The following LMAN2L variants were observed in gnomAD, a reference collection of about 807,000 sequenced individuals.
LMAN2L encodes lectin, mannose binding 2 like.
Under a neutral mutation model 44.3 loss-of-function variants are expected in LMAN2L, and 30 were observed. The ratio of observed to expected loss-of-function variants is 0.68; its 90% CI spans 0.51 to 0.92. The LOEUF (loss-of-function observed/expected upper bound fraction) is 0.92. Ranked by LOEUF, LMAN2L falls within the 40% of genes least tolerant of loss-of-function variation. LMAN2L has a pLI of 0.00. For missense variants in LMAN2L, 429 were observed against 446.1 expected (o/e 0.96, Z 0.35); for synonymous variants, 183 against 171.1 (o/e 1.07, Z -0.54).
chr2:96,733,388 T>C, intron 4 of LMAN2L, 131 bp downstream of exon 4: 5 of 678,238 alleles, frequency 7.4e-6, no homozygotes, highest in Non-Finnish European at 1.3e-5. Flanking sequence ...GACAAGGACA[T>C]TAACTTTCAA....
chr2:96,712,395 T>A (rs1255581108), intron 4 of LMAN2L, among the ~76,000 whole-genome samples: 2 of 152,200 alleles, frequency 1.3e-5, no homozygotes, highest in Non-Finnish European at 2.9e-5. Flanking sequence ...TCTCCCCAAC[T>A]GCCACATAAG....
In LMAN2L at chr2:96,707,376, C is replaced by T. The variant is rs757419501; in HGVS notation, c.927G>A (p.Leu309=). 7 of 1,612,680 alleles carry T rather than the reference C, an allele frequency of 4.3e-6. No homozygotes were observed. In the South Asian group the frequency reaches 6.6e-5, roughly 15 times the overall value. Residue 309 remains leucine, a synonymous_variant, in exon 8 of 8, where the codon CTG becomes CTA. Transcript: ENST00000264963. ...LPEMTAPLPP[L]SGLALFLIVF... ...CGATGAGGAAGAGGGCCAGGCCACT[C>T]AGGGGCGGCAGTGGAGCTGTCACTG...
intron 4 of LMAN2L, among the ~76,000 whole-genome samples, chr2:96,728,473 T>C (rs1304908007): frequency 1.5e-5 from 2 of 134,664 alleles, no homozygotes; most frequent in East Asian, 4.4e-4. Context: ...ACCACTGCAC[T>C]CCAGCCTGGG....
At chr2:96,730,067 T>C (rs369500671) in intron 4 of LMAN2L, among the ~76,000 whole-genome samples, 39 of 152,292 alleles carry the variant, frequency 2.6e-4, no homozygotes, top group African/African-American at 9.1e-4. Flanking sequence ...CCATCTAAAA[T>C]AAATTTTTTT....
chr2:96,726,126 C>T (rs1361882856), intron 4 of LMAN2L, among the ~76,000 whole-genome samples: 4 of 148,988 alleles, frequency 2.7e-5, no homozygotes, highest in Non-Finnish European at 5.9e-5. Context: ...AGCAAGACTC[C>T]GTCTCAAAAA....
At chr2:96,721,025 A>G (rs2078142254) in intron 4 of LMAN2L, among the ~76,000 whole-genome samples, 1 of 152,132 alleles carries the variant, frequency 6.6e-6, no homozygotes, top group Admixed American at 6.6e-5. Context: ...ATTCAATGGC[A>G]TTTAGTATAT....
intron 4 of LMAN2L, among the ~76,000 whole-genome samples, chr2:96,717,960 T>C (rs985334393): frequency 1.3e-5 from 2 of 152,078 alleles, no homozygotes; most frequent in East Asian, 3.8e-4. Flanking sequence ...AAGGACCAAC[T>C]TTTTTTTCTT....
chr2:96,739,769 G>A (rs2078594879), intron 1 of LMAN2L, 85 bp downstream of exon 1: 1 of 1,389,978 alleles, frequency 7.2e-7, no homozygotes. Context: ...GGGCCACGAA[G>A]CCCTTCGCCG....
intron 4 of LMAN2L, among the ~76,000 whole-genome samples, chr2:96,715,184 G>A (rs1188516653): frequency 6.6e-6 from 1 of 152,122 alleles, no homozygotes; most frequent in Non-Finnish European, 1.5e-5. Flanking sequence ...TGATCTGCCC[G>A]TCTTGGCCTC....
At chr2:96,725,735 G>A (rs2078257605) in intron 4 of LMAN2L, among the ~76,000 whole-genome samples, 1 of 151,754 alleles carries the variant, frequency 6.6e-6, no homozygotes. Context: ...GTAAGCCACC[G>A]CACCCGGCCA....
At chr2:96,729,795 C>G (rs1030416959) in intron 4 of LMAN2L, among the ~76,000 whole-genome samples, 1 of 152,050 alleles carries the variant, frequency 6.6e-6, no homozygotes, top group East Asian at 1.9e-4. Context: ...TGTGAGCCAC[C>G]GCGCCCGGCC....
chr2:96,733,872 C>A, intron 3 of LMAN2L, among the ~76,000 whole-genome samples: 1 of 152,192 alleles, frequency 6.6e-6, no homozygotes, highest in Non-Finnish European at 1.5e-5. Context: ...CTGATCCAAA[C>A]TGGTTGCTAA....
intron 4 of LMAN2L, among the ~76,000 whole-genome samples, chr2:96,718,429 C>T (rs2078085741): frequency 6.6e-6 from 1 of 152,104 alleles, no homozygotes; most frequent in Admixed American, 6.6e-5. Context: ...GATACAATGT[C>T]TTTGTTTTTA....
chr2:96,727,966 C>T (rs533286929), intron 4 of LMAN2L, among the ~76,000 whole-genome samples: 3 of 152,230 alleles, frequency 2.0e-5, no homozygotes, highest in South Asian at 4.1e-4. Flanking sequence ...AGTTTCTTAC[C>T]CACAAAATAG....
intron 4 of LMAN2L, among the ~76,000 whole-genome samples, chr2:96,726,121 G>A (rs1040374970): frequency 2.0e-5 from 3 of 149,386 alleles, no homozygotes; most frequent in African/African-American, 7.4e-5. Context: ...GACAGAGCAA[G>A]ACTCCGTCTC....
chr2:96,717,102 T>A (rs1484533211), intron 4 of LMAN2L, among the ~76,000 whole-genome samples: 1 of 151,798 alleles, frequency 6.6e-6, no homozygotes, highest in East Asian at 1.9e-4. Flanking sequence ...CTTTTTTTTT[T>A]AAACACACAC....
chr2:96,707,650 T>C lies in LMAN2L; in HGVS notation c.904+64A>G, dbSNP rs1361217727. On this transcript the variant is annotated intron_variant, in intron 7 of 7. Coordinates refer to ENST00000264963, the MANE Select transcript of LMAN2L (RefSeq NM_030805.4). ...AGAGCAGAGACCGCCCTGTGAGCTA[T>C]GGGTACAGCACTGCAAGCTCCTCCC... is the stretch of plus-strand genomic sequence containing the variant. The C allele has an allele frequency of 1.5e-5, 23 of 1,586,066 alleles. No homozygotes were observed. In the Middle Eastern group the frequency reaches 5.2e-4, roughly 36 times the overall value.
At chr2:96,719,254 T>C (rs1049092519) in intron 4 of LMAN2L, among the ~76,000 whole-genome samples, 1 of 152,196 alleles carries the variant, frequency 6.6e-6, no homozygotes, top group African/African-American at 2.4e-5. Flanking sequence ...TGCCTCTTTC[T>C]TGGGTCCAAC....
At chr2:96,707,997 C>G (rs1201709329) in intron 6 of LMAN2L, among the ~76,000 whole-genome samples, 164 bp from the exon 7 acceptor site, 1 of 152,206 alleles carries the variant, frequency 6.6e-6, no homozygotes, top group African/African-American at 2.4e-5. Flanking sequence ...GGATGGGGAA[C>G]AAGGCATATT....
Sources: gnomAD v4.1 joint callset for allele counts (sites outside exome capture counted in the v4.1 genomes callset) on GRCh38, gnomAD v4.1.1 for gene constraint, MANE v1.5 for transcripts, NCBI Gene and HGNC (gene_info 2026-07-23, HGNC 2026-07-21) for gene names.